Variants in NINJ2 observed in about 807,000 individuals in gnomAD.
NINJ2 encodes the protein ninjurin-2.
Under a neutral mutation model 11.7 loss-of-function variants are expected in NINJ2, and 12 were observed. The observed-to-expected ratio is 1.02, with a 90% CI of 0.66 to 1.66. The LOEUF is 1.66. NINJ2 is among the 40% of genes most tolerant of loss of function. The pLI is 0.00. For missense variants in NINJ2, 187 were observed against 181.8 expected (o/e 1.03, Z -0.16); for synonymous variants, 93 against 76.8 (o/e 1.21, Z -1.10).
At chr12:630,717 G>C (rs543234422) in intron 1 of NINJ2, among the ~76,000 whole-genome samples, 60 of 152,232 alleles carry the variant, frequency 3.9e-4, no homozygotes, top group Non-Finnish European at 7.3e-4. Flanking sequence ...AATCCCCAAA[G>C]AGGGCCAGCC....
chr12:601,503 AGG>A (rs1565630782), intron 1 of NINJ2, among the ~76,000 whole-genome samples: 2 of 151,518 alleles, frequency 1.3e-5, no homozygotes, highest in African/African-American at 4.9e-5. Context: ...AGCCAAGATC[AGG>A]CCACTGCACT....
chr12:644,134 T>G (rs1479034932), intron 1 of NINJ2: 2 of 154,846 alleles, frequency 1.3e-5, no homozygotes, highest in Non-Finnish European at 2.9e-5. Context: ...GAAACAACTG[T>G]AAAAACCTGA....
chr12:594,631 T>A (rs540616872), intron 1 of NINJ2, among the ~76,000 whole-genome samples: 6 of 151,292 alleles, frequency 4.0e-5, no homozygotes, highest in East Asian at 1.9e-4. Context: ...CAATTTTTTT[T>A]AAAAAACAAA....
At chr12:627,153 A>G (rs1056786392) in intron 1 of NINJ2, among the ~76,000 whole-genome samples, 3 of 152,316 alleles carry the variant, frequency 2.0e-5, no homozygotes, top group Middle Eastern at 6.8e-3. Context: ...CAAGCACCTA[A>G]TAACTGTTAA....
At chr12:576,557 C>T (rs765447983) in intron 1 of NINJ2, among the ~76,000 whole-genome samples, 1 of 152,200 alleles carries the variant, frequency 6.6e-6, no homozygotes, top group Non-Finnish European at 1.5e-5. Flanking sequence ...GGTGGTGGCC[C>T]CGTCATAGCT....
intron 1 of NINJ2, among the ~76,000 whole-genome samples, chr12:642,053 T>G (rs1229846774): frequency 1.3e-5 from 2 of 152,158 alleles, no homozygotes; most frequent in African/African-American, 4.8e-5. Context: ...CGTATTTCGG[T>G]TTGACAGCCT....
chr12:645,166 T>TG (rs1937657214), intron 1 of NINJ2: 4 of 152,230 alleles, frequency 2.6e-5, no homozygotes, highest in African/African-American at 7.2e-5. Flanking sequence ...CAAGGGTTTT[T>TG]GGCAAATCCT....
intron 1 of NINJ2, among the ~76,000 whole-genome samples, chr12:619,966 C>G (rs1456791976): frequency 6.6e-6 from 1 of 152,234 alleles, no homozygotes; most frequent in African/African-American, 2.4e-5. Flanking sequence ...AGGGAGGGCT[C>G]AGCTGCCAGC....
At chr12:587,276 CT>C (rs1305100929) in intron 1 of NINJ2, among the ~76,000 whole-genome samples, 2 of 152,200 alleles carry the variant, frequency 1.3e-5, no homozygotes, top group African/African-American at 4.8e-5. Context: ...GAAGCTGCCC[CT>C]CCACAGGAAG....
rs577763558 is a variant in NINJ2 at position 613,235 on chromosome 12, TC to T, written c.34-47058del. Reference sequence around the variant, plus strand: ...ATGTCAAATCAAGCATATCTGCGGCTCCTAAGAAAAATGAAAATGTATCCTT... The same window carrying T: ...ATGTCAAATCAAGCATATCTGCGGCTCTAAGAAAAATGAAAATGTATCCTT... On this transcript the variant is annotated intron_variant, in intron 1 of 3. Coordinates refer to ENST00000305108, the MANE Select transcript of NINJ2 (RefSeq NM_016533.6). 1.7e-3 allele frequency among the ~76,000 whole-genome samples: 266 copies of T among 152,344 alleles called. 1 individual carries two copies. The highest frequency in any genetic ancestry group is 3.4e-3 in the Middle Eastern group (1 of 294).
chr12:595,193 A>G (rs949749039), intron 1 of NINJ2, among the ~76,000 whole-genome samples: 2 of 152,252 alleles, frequency 1.3e-5, no homozygotes, highest in Non-Finnish European at 1.5e-5. Flanking sequence ...AGTTAACTCA[A>G]AATGGATCAT....
chr12:599,638 C>T (rs1234554258), intron 1 of NINJ2, among the ~76,000 whole-genome samples: 3 of 152,192 alleles, frequency 2.0e-5, no homozygotes, highest in Non-Finnish European at 2.9e-5. Flanking sequence ...GGATGCCACC[C>T]ATGTTCGTGG....
At chr12:607,636 A>C (rs916368268) in intron 1 of NINJ2, among the ~76,000 whole-genome samples, 2 of 152,198 alleles carry the variant, frequency 1.3e-5, no homozygotes, top group Non-Finnish European at 2.9e-5. Context: ...TGACAGTCAG[A>C]TCCGGTATGA....
chr12:566,074 G>A lies in NINJ2; in HGVS notation c.138C>T (p.Asn46=), dbSNP rs138445776. 2,668 of 1,614,192 alleles carry A rather than the reference G, an allele frequency of 1.7e-3. 4 individuals carry two copies. Among genetic ancestry groups the A allele is most frequent in the Non-Finnish European group, 2.1e-3 (2,425 of 1,180,024 alleles). ...SMLDVALFMS[N]AMRLKAVLEQ... Reference sequence around the variant, plus strand: ...CCAGCACCGCCTTCAGCCGCATGGCGTTGGACATGAACAGGGCCACGTCCA... The same window carrying A: ...CCAGCACCGCCTTCAGCCGCATGGCATTGGACATGAACAGGGCCACGTCCA... Residue 46 remains asparagine, a synonymous_variant, in exon 2 of 4, where the codon AAC becomes AAT. Coordinates refer to ENST00000305108, the MANE Select transcript of NINJ2 (RefSeq NM_016533.6).
intron 1 of NINJ2, among the ~76,000 whole-genome samples, chr12:611,059 C>T (rs1948022061): frequency 6.6e-6 from 1 of 152,196 alleles, no homozygotes; most frequent in Non-Finnish European, 1.5e-5. Flanking sequence ...TTAAAGAACT[C>T]TGTGTTACCA....
chr12:634,058 T>C (rs2120445677), intron 1 of NINJ2, among the ~76,000 whole-genome samples: 1 of 152,168 alleles, frequency 6.6e-6, no homozygotes, highest in South Asian at 2.1e-4. Context: ...TATTCTTCTT[T>C]AACAAAACCA....
intron 1 of NINJ2, among the ~76,000 whole-genome samples, chr12:646,529 G>C (rs908064206): frequency 1.3e-5 from 2 of 152,140 alleles, no homozygotes; most frequent in African/African-American, 4.8e-5. Flanking sequence ...AAATTACGTA[G>C]ATCACCGTGA....
At chr12:577,435 A>ATATGTATATATATATATACATATATATG (rs1565621287) in intron 1 of NINJ2, among the ~76,000 whole-genome samples, 11 of 140,378 alleles carry the variant, frequency 7.8e-5, no homozygotes, top group Non-Finnish European at 1.4e-4. Flanking sequence ...ATATACATAT[A>ATATGTATATATATATATACATATATATG]TATATATAAA....
At chr12:615,408 G>A (rs1004346221) in intron 1 of NINJ2, among the ~76,000 whole-genome samples, 1 of 152,112 alleles carries the variant, frequency 6.6e-6, no homozygotes, top group Non-Finnish European at 1.5e-5. Flanking sequence ...GACCAACACA[G>A]AGAAATCCCG....
Sources: gnomAD v4.1 joint callset for allele counts (sites outside exome capture counted in the v4.1 genomes callset) on GRCh38, gnomAD v4.1.1 for gene constraint, MANE v1.5 for transcripts, NCBI Gene and HGNC (gene_info 2026-07-23, HGNC 2026-07-21) for gene names.